Variants in NOP53 observed in about 807,000 individuals in gnomAD.
The protein encoded by NOP53 is ribosome biogenesis protein NOP53.
Under a neutral mutation model 61.0 loss-of-function variants are expected in NOP53, and 40 were observed. That is an observed-to-expected ratio of 0.66 (90% CI 0.51 to 0.85). NOP53 has a LOEUF of 0.85. Among genes scored for constraint, NOP53 ranks in the 40% least tolerant of loss-of-function variants. The pLI, the probability that NOP53 is intolerant of heterozygous loss-of-function variation, is 0.00. For synonymous variants in NOP53, 308 were observed against 289.5 expected (o/e 1.06, Z -0.65); for missense variants, 689 against 652.9 (o/e 1.06, Z -0.60).
intron 2 of NOP53, among the ~76,000 whole-genome samples, chr19:47,748,212 G>A (rs942915125): frequency 1.3e-5 from 2 of 151,940 alleles, no homozygotes; most frequent in African/African-American, 2.4e-5. Flanking sequence ...GGCGTGAGCC[G>A]CTGCGCCTGG....
intron 5 of NOP53, among the ~76,000 whole-genome samples, 191 bp from the exon 6 acceptor site, chr19:47,752,321 G>T (rs375886807): frequency 6.6e-6 from 1 of 152,076 alleles, no homozygotes; most frequent in Non-Finnish European, 1.5e-5. Flanking sequence ...GCTCAGCCTC[G>T]TGGGTAGCAG....
At position 47,755,742 on chromosome 19, in the gene NOP53, G is replaced by T; in HGVS notation, c.1230-14G>T. 6.2e-7 allele frequency: 1 copy of T among 1,605,220 alleles called. No homozygotes were observed. The highest frequency in any genetic ancestry group is 8.5e-7 in the Non-Finnish European group (1 of 1,176,474). On this transcript the variant is annotated splice_polypyrimidine_tract_variant and intron_variant, in intron 9 of 12. Transcript: ENST00000246802. ...GCGGGGGTGATATTTCTGAACACCC[G>T]CCCTGTTCTGCAGGTACCAGGCACC...
chr19:47,751,247 C>T, intron 4 of NOP53, 140 bp downstream of exon 4: 5 of 795,712 alleles, frequency 6.3e-6, no homozygotes, highest in Non-Finnish European at 1.0e-5. Context: ...AGTCGTGCGT[C>T]CTGAAGGGGC....
intron 6 of NOP53, 125 bp downstream of exon 6, chr19:47,752,732 G>T: frequency 1.5e-6 from 1 of 658,208 alleles, no homozygotes; most frequent in East Asian, 2.7e-5. Context: ...CCGCAACGGG[G>T]CTCACGGTCC....
chr19:47,748,334 A>G (rs1005924823), intron 2 of NOP53, among the ~76,000 whole-genome samples: 3 of 152,084 alleles, frequency 2.0e-5, no homozygotes, highest in African/African-American at 7.2e-5. Context: ...CTGCTGAAAC[A>G]AGATGAGGCG....
At chr19:47,755,623 C>G in intron 9 of NOP53, 100 bp downstream of exon 9, 1 of 1,334,096 alleles carries the variant, frequency 7.5e-7, no homozygotes, top group Non-Finnish European at 1.0e-6. Flanking sequence ...CCACCCCCCC[C>G]ATCGGGAGAC....
intron 2 of NOP53, among the ~76,000 whole-genome samples, chr19:47,748,564 C>G (rs891663369): frequency 6.6e-6 from 1 of 151,980 alleles, no homozygotes; most frequent in African/African-American, 2.4e-5. Context: ...AGGAGCTGCC[C>G]TGAGGTACAG....
intron 3 of NOP53, among the ~76,000 whole-genome samples, chr19:47,750,595 C>T (rs1454250004): frequency 6.6e-6 from 1 of 152,024 alleles, no homozygotes; most frequent in Non-Finnish European, 1.5e-5. Flanking sequence ...AGCTGGCCTT[C>T]CCCTGAGATG....
intron 2 of NOP53, among the ~76,000 whole-genome samples, chr19:47,747,394 T>C (rs1967077630): frequency 6.6e-6 from 1 of 151,828 alleles, no homozygotes; most frequent in Admixed American, 6.6e-5. Flanking sequence ...GTATTCCCAG[T>C]ACTTTGGGAG....
chr19:47,755,618 C>A (rs113222696), intron 9 of NOP53, 95 bp downstream of exon 9: 12 of 1,351,430 alleles, frequency 8.9e-6, no homozygotes, highest in African/African-American at 1.4e-5. Context: ...ACTGCCCACC[C>A]CCCCCATCGG....
chr19:47,747,139 C>T (rs993521081), intron 2 of NOP53, 108 bp downstream of exon 2: 60 of 844,720 alleles, frequency 7.1e-5, no homozygotes, highest in Non-Finnish European at 9.2e-5. Context: ...CAAATATCTG[C>T]GGAAACAGGT....
Position 47,745,800 on chromosome 19 carries a change from T to A in NOP53, c.224+17T>A. On this transcript the variant is annotated intron_variant, in intron 1 of 12. Coordinates refer to ENST00000246802, the MANE Select transcript of NOP53 (RefSeq NM_015710.5). Reference sequence around the variant, plus strand: ...CACGAGCGGGTACGTTGGGCGGGACTTCCGGGAGGTGGGACGGTTCCTGCG... The same window carrying A: ...CACGAGCGGGTACGTTGGGCGGGACATCCGGGAGGTGGGACGGTTCCTGCG... 1 of 1,470,242 alleles carries A rather than the reference T, an allele frequency of 6.8e-7. No homozygotes were observed. The highest frequency in any genetic ancestry group is 9.0e-7 in the Non-Finnish European group (1 of 1,106,306). The allele number at this position is 1,470,242 out of a possible 1,614,324, so 91.1% of individuals were successfully genotyped here. A position where few individuals can be genotyped will look rare whatever the true frequency, so the allele number is the denominator to read the frequency against.
chr19:47,752,387 T>C, intron 5 of NOP53, 125 bp from the exon 6 acceptor site: 1 of 638,602 alleles, frequency 1.6e-6, no homozygotes, highest in Admixed American at 2.5e-5. Flanking sequence ...GTCACCTGAA[T>C]GCCCCTTGAG....
intron 4 of NOP53, 68 bp from the exon 5 acceptor site, chr19:47,751,452 G>A (rs112625343): frequency 4.2e-6 from 5 of 1,202,074 alleles, no homozygotes; most frequent in South Asian, 2.4e-5. Flanking sequence ...TGGAGGGATT[G>A]GGGGGGAGCC....
rs1967072408 is a variant in NOP53 at position 47,746,983 on chromosome 19, G to T, written c.241G>T (p.Ala81Ser). 1 of 1,613,832 alleles carries T rather than the reference G, an allele frequency of 6.2e-7. No individual in the cohort carries two copies. Among genetic ancestry groups the T allele is most frequent in the Non-Finnish European group, 8.5e-7 (1 of 1,179,774 alleles). The change falls in exon 2 of 13, where the codon GCC (alanine) becomes TCC (serine). Residue 81 changes from alanine to serine, a missense_variant. Ala to Ser is a moderately conservative substitution (Grantham distance 99). Transcript: ENST00000246802. ...ERTSGGLLSE[A>S]PNEKLFFVDT... ...GTCCCCCAGTGGCTTGTTGTCAGAG[G>T]CCCCAAATGAAAAACTCTTCTTCGT...
In NOP53 at chr19:47,754,268, A is replaced by G; in HGVS notation, c.766-259A>G. On this transcript the variant is annotated intron_variant, in intron 6 of 12. Coordinates refer to ENST00000246802, the MANE Select transcript of NOP53 (RefSeq NM_015710.5). This position sits in a 1 kb window ranked among gnomAD's most constrained non-coding sequence, Gnocchi z 4.2. The stretch of plus-strand genomic sequence containing the variant: ...CTCCAGTCTGGGCAACAAGACAGAA[A>G]CTCTATCTCAAAAAAAAAATGTGAA... 1 of 468,492 alleles carries G rather than the reference A, an allele frequency of 2.1e-6. No individual in the cohort carries two copies. Among genetic ancestry groups the G allele is most frequent in the Non-Finnish European group, 3.8e-6 (1 of 260,516 alleles). 29.0% of individuals were successfully genotyped at this position (468,492 alleles called of 1,614,324 possible).
In NOP53 at chr19:47,755,362, C is replaced by T. The variant is rs776404773; in HGVS notation, c.1068C>T (p.Ala356=). The change falls in exon 9 of 13, where the codon GCC becomes GCT. Residue 356 remains alanine (A), a synonymous_variant. Coordinates refer to ENST00000246802, the MANE Select transcript of NOP53 (RefSeq NM_015710.5). The part of the protein sequence containing the change: ...KAVHRLRVQQ[A]ALRAARLRHQ... The stretch of plus-strand genomic sequence containing the variant: ...CGTCTCCACAGCGGGTACAGCAGGC[C>T]GCGTTGCGGGCCGCCCGGCTCCGGC... The T allele has an allele frequency of 3.6e-4, 551 of 1,514,942 alleles. No homozygotes were observed. Among genetic ancestry groups the T allele is most frequent in the Non-Finnish European group, 4.4e-4 (506 of 1,138,248 alleles). The allele number at this position is 1,514,942 out of a possible 1,614,324, so 93.8% of individuals were successfully genotyped here. A position where few individuals can be genotyped will look rare whatever the true frequency, so the allele number is the denominator to read the frequency against.
In NOP53 at chr19:47,751,606, AG is replaced by A; in HGVS notation, c.669+19del. Reference sequence around the variant, plus strand: ...AGGAGTGAAGGTGAGATGTGTGGGAAGGGCATCCTGGGTGATGGGAGGGTGA... The same window carrying A: ...AGGAGTGAAGGTGAGATGTGTGGGAAGGCATCCTGGGTGATGGGAGGGTGA... On this transcript the variant is annotated intron_variant, in intron 5 of 12. Transcript: ENST00000246802. 6.2e-7 allele frequency: 1 copy of A among 1,606,984 alleles called. No homozygotes were observed. Among genetic ancestry groups the A allele is most frequent in the South Asian group, 1.1e-5 (1 of 90,914 alleles).
chr19:47,757,057 GATCA>G, exon 13 of NOP53: 2 of 1,602,220 alleles, frequency 1.2e-6, no homozygotes, highest in Non-Finnish European at 1.7e-6. Flanking sequence ...TCTTCTAGCT[GATCA>G]GTGGGCTCCA....
Sources: allele counts gnomAD v4.1 joint callset (sites outside exome capture counted in the v4.1 genomes callset), GRCh38; gene constraint gnomAD v4.1.1; non-coding constraint Gnocchi (gnomAD v3.1); transcripts MANE v1.5; gene names NCBI Gene and HGNC (gene_info 2026-07-23, HGNC 2026-07-21).